The following BTBD9 variants were observed in gnomAD, a reference collection of about 807,000 sequenced individuals.
The protein encoded by BTBD9 is BTB/POZ domain-containing protein 9.
Under a neutral mutation model 64.3 loss-of-function variants are expected in BTBD9, and 49 were observed. That is an observed-to-expected ratio of 0.76 (90% CI 0.61 to 0.97). BTBD9 has a LOEUF of 0.97. BTBD9 is among the 50% of genes least tolerant of loss of function. BTBD9 has a pLI of 0.00. For missense variants in BTBD9, 598 were observed against 762.1 expected (o/e 0.78, Z 2.53); for synonymous variants, 260 against 274.7 (o/e 0.95, Z 0.53).
chr6:38,226,257 C>T (rs756194595), intron 9 of BTBD9, among the ~76,000 whole-genome samples: 7 of 152,260 alleles, frequency 4.6e-5, no homozygotes, highest in African/African-American at 7.2e-5. Flanking sequence ...TACTGATCCC[C>T]GCGCCTGCAC....
At chr6:38,527,296 A>AAG (rs1491006010) in intron 6 of BTBD9, among the ~76,000 whole-genome samples, 1 of 121,572 alleles carries the variant, frequency 8.2e-6, no homozygotes, top group African/African-American at 2.9e-5. Flanking sequence ...AAAAAAAAAA[A>AAG]GATGTGATTT....
At chr6:38,432,013 G>C (rs1211832435) in intron 6 of BTBD9, among the ~76,000 whole-genome samples, 1 of 151,904 alleles carries the variant, frequency 6.6e-6, no homozygotes, top group Non-Finnish European at 1.5e-5. Flanking sequence ...AGATCTTTAA[G>C]AGGGACTAAT....
chr6:38,589,823 G>A (rs6458059), intron 4 of BTBD9, among the ~76,000 whole-genome samples: 102,471 of 151,970 alleles, frequency 0.67, 35,218 homozygotes, highest in African/African-American at 0.82. Context: ...TTGACCATTG[G>A]ATCCATAGGA....
intron 6 of BTBD9, among the ~76,000 whole-genome samples, chr6:38,399,686 C>G (rs186297369): frequency 5.3e-5 from 8 of 152,108 alleles, no homozygotes; most frequent in Admixed American, 5.2e-4. Context: ...GCTGTATTTC[C>G]CAAAGTCCTT....
chr6:38,538,746 T>C (rs1774133498), intron 6 of BTBD9, among the ~76,000 whole-genome samples: 1 of 151,890 alleles, frequency 6.6e-6, no homozygotes, highest in South Asian at 2.1e-4. Context: ...TAGCTGGGAC[T>C]ACAGGCATGT....
intron 9 of BTBD9, among the ~76,000 whole-genome samples, chr6:38,235,718 C>A (rs1763754274): frequency 6.6e-6 from 1 of 152,204 alleles, no homozygotes; most frequent in South Asian, 2.1e-4. Context: ...ATATCTGTAA[C>A]TGACACTTCC....
rs771737210 is a variant in BTBD9 at position 38,222,254 on chromosome 6, G to GTTTTTTTTTTTTTTTTTTTTTTTTTTTTT, written c.1563-29658_1563-29657insAAAAAAAAAAAAAAAAAAAAAAAAAAAAA. Among the ~76,000 whole-genome samples the GTTTTTTTTTTTTTTTTTTTTTTTTTTTTT allele has an allele frequency of 2.1e-5, 2 of 96,702 alleles. 1 individual carries two copies. The highest frequency in any genetic ancestry group is 3.8e-5 in the Non-Finnish European group (2 of 52,558). 63.4% of individuals were successfully genotyped at this position (96,702 alleles called of 152,430 possible). A position where few individuals can be genotyped will look rare whatever the true frequency, so the allele number is the denominator to read the frequency against. On this transcript the variant is annotated intron_variant, in intron 9 of 10. Coordinates refer to ENST00000481247, the MANE Select transcript of BTBD9 (RefSeq NM_001099272.2). Reference sequence around the variant, plus strand: ...TAAATTAGCCTTAATAATTCATTCAGTTGTTTTTTTTTTTTTTTTTTTTTT... The same window carrying GTTTTTTTTTTTTTTTTTTTTTTTTTTTTT: ...TAAATTAGCCTTAATAATTCATTCAGTTTTTTTTTTTTTTTTTTTTTTTTTTTTTTTGTTTTTTTTTTTTTTTTTTTTTT...
chr6:38,621,587 T>C (rs1232710588), intron 1 of BTBD9, among the ~76,000 whole-genome samples: 1 of 151,996 alleles, frequency 6.6e-6, no homozygotes, highest in Non-Finnish European at 1.5e-5. Context: ...GCCTTAGAAC[T>C]GAGAAAGAAA....
rs1258909253 is a variant in BTBD9, at chr6:38,472,314, A to G, written c.1154+105286T>C. The stretch of plus-strand genomic sequence containing the variant: ...TGGAGCCTGCAGTGCTATTAGTAAC[A>G]AACTTCTACTGTAAATTACTGGCCT... On this transcript the variant is annotated intron_variant, in intron 6 of 10. Transcript: ENST00000481247. Among the ~76,000 whole-genome samples, 4 of 152,182 alleles carry G rather than the reference A, an allele frequency of 2.6e-5. No individual in the cohort carries two copies. The East Asian group carries it at 7.7e-4, about 29-fold the overall frequency.
At chr6:38,401,479 CA>C (rs1340510111) in intron 6 of BTBD9, among the ~76,000 whole-genome samples, 1 of 152,162 alleles carries the variant, frequency 6.6e-6, no homozygotes, top group Non-Finnish European at 1.5e-5. Flanking sequence ...TGTTTGCCTC[CA>C]GGCTCTATAA....
At chr6:38,534,708 T>G (rs1438323034) in intron 6 of BTBD9, among the ~76,000 whole-genome samples, 1 of 152,098 alleles carries the variant, frequency 6.6e-6, no homozygotes, top group African/African-American at 2.4e-5. Flanking sequence ...GGTGCAAGGA[T>G]AGTTTAACAT....
intron 8 of BTBD9, among the ~76,000 whole-genome samples, chr6:38,285,419 C>T (rs182710832): frequency 2.6e-4 from 39 of 151,964 alleles, no homozygotes; most frequent in Non-Finnish European, 5.3e-4. Flanking sequence ...GATGGGGAAT[C>T]ATGACATGAC....
chr6:38,631,186 A>G (rs1778348189), intron 1 of BTBD9, among the ~76,000 whole-genome samples: 1 of 152,228 alleles, frequency 6.6e-6, no homozygotes, highest in African/African-American at 2.4e-5. Flanking sequence ...CAAATCTGTA[A>G]TTTGTGAAAA....
At position 38,303,840 on chromosome 6, in the gene BTBD9, G is replaced by GATATATATATATAT. The variant is rs70981538; in HGVS notation, c.1265-15393_1265-15380dup. ...TAATATCTAGCAACTTTAGTTGCTA[G>GATATATATATATAT]ATATATATATATATATATATATATA... On this transcript the variant is annotated intron_variant, in intron 7 of 10. Coordinates refer to ENST00000481247, the MANE Select transcript of BTBD9 (RefSeq NM_001099272.2). Among the ~76,000 whole-genome samples, 406 of 75,202 alleles carry GATATATATATATAT rather than the reference G, an allele frequency of 5.4e-3. 5 individuals are homozygous for GATATATATATATAT. Among genetic ancestry groups the GATATATATATATAT allele is most frequent in the Non-Finnish European group, 8.5e-3 (283 of 33,420 alleles). 49.3% of individuals were successfully genotyped at this position (75,202 alleles called of 152,430 possible).
chr6:38,638,528 G>A (rs1056927151), intron 1 of BTBD9, among the ~76,000 whole-genome samples: 3 of 152,192 alleles, frequency 2.0e-5, no homozygotes, highest in African/African-American at 7.2e-5. Flanking sequence ...GGGCAAGGAG[G>A]AAAACACAGA....
rs983009232 is a variant in BTBD9 at position 38,435,716 on chromosome 6, C to T, written c.1155-90623G>A. 5.4e-5 allele frequency among the ~76,000 whole-genome samples: 8 copies of T among 148,564 alleles called. No individual in the cohort carries two copies. The South Asian group carries it at 8.7e-4, about 16-fold the overall frequency. ...CTGAGTCTCACTCTATCGCCCAGGC[C>T]GGAGTGCAGTGGCGTGATCTTGGCT... On this transcript the variant is annotated intron_variant, in intron 6 of 10. Transcript: ENST00000481247.
At chr6:38,463,380 C>G (rs1221136560) in intron 6 of BTBD9, among the ~76,000 whole-genome samples, 1 of 152,174 alleles carries the variant, frequency 6.6e-6, no homozygotes, top group Non-Finnish European at 1.5e-5. Flanking sequence ...CTCTTCCTTG[C>G]CTTACTGCAT....
chr6:38,511,531 C>A (rs933873499), intron 6 of BTBD9, among the ~76,000 whole-genome samples: 2 of 151,734 alleles, frequency 1.3e-5, no homozygotes, highest in African/African-American at 4.8e-5. Flanking sequence ...TTTGTAGAGA[C>A]AAGATCTCCC....
chr6:38,375,662 T>C (rs2127609616), intron 6 of BTBD9, among the ~76,000 whole-genome samples: 1 of 152,294 alleles, frequency 6.6e-6, no homozygotes, highest in Non-Finnish European at 1.5e-5. Context: ...AATAGATTTC[T>C]TCAAAGAAGA....
Sources: allele counts gnomAD v4.1 joint callset (sites outside exome capture counted in the v4.1 genomes callset), GRCh38; gene constraint gnomAD v4.1.1; transcripts MANE v1.5; gene names NCBI Gene and HGNC (gene_info 2026-07-23, HGNC 2026-07-21).